The following PTPRD variants were observed in gnomAD, a reference collection of about 807,000 sequenced individuals.
PTPRD encodes the protein receptor-type tyrosine-protein phosphatase delta.
PTPRD carries 34 observed loss-of-function variants against 214.5 expected under a neutral mutation model. The ratio of observed to expected loss-of-function variants is 0.16; its 90% confidence interval spans 0.12 to 0.21. PTPRD has a LOEUF of 0.21. Ranked by LOEUF, PTPRD falls within the 10% of genes least tolerant of loss-of-function variation. The pLI, the probability that PTPRD is intolerant of heterozygous loss-of-function variation, is 1.00. For synonymous variants in PTPRD, 1,128 were observed against 845.7 expected (o/e 1.33, Z -5.79); for missense variants, 2,545 against 2,398.7 (o/e 1.06, Z -1.27).
intron 11 of PTPRD, among the ~76,000 whole-genome samples, chr9:8,738,113 C>A (rs145704174): frequency 5.9e-5 from 9 of 152,254 alleles, no homozygotes; most frequent in African/African-American, 2.2e-4. Flanking sequence ...AATTGTATAT[C>A]AGCTTCTGTA....
chr9:9,947,541 A>AT (rs1491539386), intron 4 of PTPRD, among the ~76,000 whole-genome samples: 4 of 25,662 alleles, frequency 1.6e-4, no homozygotes, highest in Admixed American at 1.6e-3. Context: ...TTTTATATAT[A>AT]ATATATATAT....
intron 36 of PTPRD, among the ~76,000 whole-genome samples, chr9:8,396,367 G>A (rs1433317869): frequency 6.6e-6 from 1 of 152,096 alleles, no homozygotes; most frequent in African/African-American, 2.4e-5. Flanking sequence ...CTATCAGACA[G>A]GATAAAAATA....
intron 3 of PTPRD, among the ~76,000 whole-genome samples, chr9:10,228,346 G>C (rs949427008): frequency 2.0e-5 from 3 of 152,000 alleles, no homozygotes; most frequent in African/African-American, 7.2e-5. Context: ...TTAAGATTGA[G>C]AAGGTGTGGT....
chr9:8,338,099 A>C (rs1457976096), intron 43 of PTPRD, among the ~76,000 whole-genome samples: 1 of 152,080 alleles, frequency 6.6e-6, no homozygotes, highest in East Asian at 1.9e-4. Context: ...AGTTTGGAGA[A>C]AGCTGCTTTC....
rs148089325 is a variant in PTPRD, at chr9:8,909,643, T to C, written c.-104+109054A>G. 1.3e-3 allele frequency among the ~76,000 whole-genome samples: 193 copies of C among 152,176 alleles called. 2 individuals are homozygous for C. The highest frequency in any genetic ancestry group is 6.8e-3 in the Middle Eastern group (2 of 294). ...AAAATTCTACAGCTAGCATAATACA[T>C]AATGATGAAAACGGAATGCTTTTCT... On this transcript the variant is annotated intron_variant, in intron 11 of 45. Transcript: ENST00000381196.
chr9:9,855,770 C>T (rs2061439962), intron 5 of PTPRD, among the ~76,000 whole-genome samples: 1 of 152,106 alleles, frequency 6.6e-6, no homozygotes, highest in Admixed American at 6.6e-5. Flanking sequence ...TTGTGCGGGC[C>T]CCATGGCAAG....
intron 10 of PTPRD, among the ~76,000 whole-genome samples, chr9:9,175,512 A>G (rs2099924106): frequency 6.6e-6 from 1 of 150,592 alleles, no homozygotes; most frequent in Non-Finnish European, 1.5e-5. Flanking sequence ...AATCCCAGCT[A>G]CTCAGGAGGC....
chr9:8,531,172 C>A (rs568645975), intron 14 of PTPRD, among the ~76,000 whole-genome samples: 1 of 152,092 alleles, frequency 6.6e-6, no homozygotes, highest in South Asian at 2.1e-4. Context: ...CTACAGTAGA[C>A]AAGTGTCAGA....
intron 14 of PTPRD, among the ~76,000 whole-genome samples, chr9:8,531,092 G>A (rs887399081): frequency 1.3e-5 from 2 of 152,046 alleles, no homozygotes; most frequent in Admixed American, 6.6e-5. Context: ...GTTGAAAGAT[G>A]TGGCTCATTT....
intron 22 of PTPRD, among the ~76,000 whole-genome samples, chr9:8,505,462 A>T (rs1459842618): frequency 7.2e-5 from 11 of 151,838 alleles, no homozygotes; most frequent in Admixed American, 6.6e-4. Context: ...CTCTCCTAAA[A>T]ATACAAAAAA....
chr9:9,248,358 T>G (rs1168305705), intron 9 of PTPRD, among the ~76,000 whole-genome samples: 1 of 152,044 alleles, frequency 6.6e-6, no homozygotes, highest in Non-Finnish European at 1.5e-5. Flanking sequence ...ACTCCCAAAG[T>G]GATGGGATTA....
At chr9:9,939,982 C>T (rs1211582601) in intron 4 of PTPRD, among the ~76,000 whole-genome samples, 1 of 152,148 alleles carries the variant, frequency 6.6e-6, no homozygotes, top group African/African-American at 2.4e-5. Context: ...TAATAACTTC[C>T]TGAATATGGA....
intron 5 of PTPRD, among the ~76,000 whole-genome samples, chr9:9,931,589 C>G (rs1210755234): frequency 6.6e-6 from 1 of 152,022 alleles, no homozygotes; most frequent in Non-Finnish European, 1.5e-5. Context: ...CCCACGGAGT[C>G]TCGCTGATTG....
intron 3 of PTPRD, among the ~76,000 whole-genome samples, chr9:10,102,130 A>T (rs971143866): frequency 3.3e-5 from 5 of 151,704 alleles, no homozygotes; most frequent in African/African-American, 1.2e-4. Flanking sequence ...AGCTTTTATA[A>T]ATCGGTTGTT....
intron 10 of PTPRD, among the ~76,000 whole-genome samples, chr9:9,023,401 T>C (rs1471125557): frequency 6.6e-6 from 1 of 152,118 alleles, no homozygotes; most frequent in African/African-American, 2.4e-5. Context: ...TTGCTGAATA[T>C]GAATTTTTGG....
chr9:8,397,428 T>C (rs890872430), intron 36 of PTPRD, among the ~76,000 whole-genome samples: 1 of 152,196 alleles, frequency 6.6e-6, no homozygotes, highest in South Asian at 2.1e-4. Context: ...TTAGAAAATG[T>C]TGGATAGACT....
At chr9:10,000,764 A>G (rs1398472736) in intron 4 of PTPRD, among the ~76,000 whole-genome samples, 1 of 152,226 alleles carries the variant, frequency 6.6e-6, no homozygotes, top group Non-Finnish European at 1.5e-5. Context: ...GGTCTAACCA[A>G]CATGGCCAGC....
chr9:8,528,803 A>C lies in PTPRD; in HGVS notation c.353-24T>G, dbSNP rs182585982. On this transcript the variant is annotated intron_variant, in intron 14 of 45. Transcript: ENST00000381196. ...TTCTGCAAGACAAAAGGTGATAGAA[A>C]CATTCAGTTAATAAGTCAGATGCTC... 6.2e-6 allele frequency: 10 copies of C among 1,608,444 alleles called. No individual in the cohort carries two copies. In the Admixed American group the frequency reaches 1.3e-4, roughly 22 times the overall value.
intron 14 of PTPRD, among the ~76,000 whole-genome samples, chr9:8,586,197 G>A (rs886346816): frequency 7.1e-6 from 1 of 140,344 alleles, no homozygotes; most frequent in African/African-American, 3.0e-5. Context: ...CTACTTCGGA[G>A]GTTGAGGCAG....
Sources: allele counts gnomAD v4.1 joint callset (sites outside exome capture counted in the v4.1 genomes callset), GRCh38; gene constraint gnomAD v4.1.1; transcripts MANE v1.5; gene names NCBI Gene and HGNC (gene_info 2026-07-23, HGNC 2026-07-21).